The following TXNDC8 variants were observed in gnomAD, a reference collection of about 807,000 sequenced individuals.
TXNDC8 encodes thioredoxin domain containing 8, also known as thioredoxin domain-containing protein 8.
In TXNDC8, 15 loss-of-function variants were observed where a neutral mutation model predicts 12.9. The ratio of observed to expected loss-of-function variants is 1.16; its 90% CI spans 0.78 to 1.79. The LOEUF is 1.79. Ranked by LOEUF, TXNDC8 falls within the 40% of genes most tolerant of loss-of-function variation. The pLI is 0.00. For synonymous variants in TXNDC8, 40 were observed against 35.4 expected (o/e 1.13, Z -0.46); for missense variants, 128 against 113.2 (o/e 1.13, Z -0.59).
At position 110,326,182 on chromosome 9, in the gene TXNDC8, CT is replaced by C; in HGVS notation, c.187del (p.Ser63AlafsTer4). The C allele has an allele frequency of 2.5e-6, 4 of 1,614,030 alleles. No homozygotes were observed. The highest frequency in any genetic ancestry group is 3.4e-6 in the Non-Finnish European group (4 of 1,179,934). ...GTTACCCTGGAAACATACCTTCTGG[CT>C]TTTCTTGAACATCTGAAATGTGGGT... On this transcript the variant is annotated frameshift_variant, in exon 3 of 5. Transcript: ENST00000423740. LOFTEE classifies it high-confidence loss of function.
chr9:110,335,551 G>A (rs892570387), intron 1 of TXNDC8, among the ~76,000 whole-genome samples: 2 of 152,184 alleles, frequency 1.3e-5, no homozygotes, highest in Non-Finnish European at 2.9e-5. Context: ...ACTACAACGT[G>A]TGTACTATTA....
intron 3 of TXNDC8, chr9:110,322,370 C>T (rs866907914): frequency 1.0e-5 from 10 of 985,078 alleles, no homozygotes; most frequent in South Asian, 4.7e-5. Flanking sequence ...CTAATAGCTG[C>T]CTGGCAGAAA....
At chr9:110,326,352 G>A in intron 2 of TXNDC8, 112 bp from the exon 4 acceptor site, 1 of 982,890 alleles carries the variant, frequency 1.0e-6, no homozygotes, top group Non-Finnish European at 1.6e-6. Context: ...AAGGACACCT[G>A]ACACTTTACA....
At chr9:110,325,720 T>C (rs925371397) in intron 3 of TXNDC8, among the ~76,000 whole-genome samples, 7 of 152,068 alleles carry the variant, frequency 4.6e-5, no homozygotes, top group African/African-American at 1.2e-4. Flanking sequence ...GGGGTTTCAC[T>C]GTGTTAGCCA....
At chr9:110,311,521 GTATATATATATA>G (rs66474968) in intron 3 of TXNDC8, among the ~76,000 whole-genome samples, 474 of 41,248 alleles carry the variant, frequency 0.011, 19 homozygotes, top group South Asian at 0.032. Flanking sequence ...AAATAAAGAG[GTATATATATATA>G]TATATATATA....
At chr9:110,323,705 G>A (rs541776211) in intron 3 of TXNDC8, 238 of 781,926 alleles carry the variant, frequency 3.0e-4, no homozygotes, top group South Asian at 3.0e-3. Context: ...GTAGGCTTCA[G>A]GCATGGATAG....
chr9:110,301,380 G>A (rs1838268148), downstream of TXNDC8, among the ~76,000 whole-genome samples: 1 of 152,192 alleles, frequency 6.6e-6, no homozygotes, highest in South Asian at 2.1e-4. Context: ...AAATATATAT[G>A]TGAGCATGGC....
intron 3 of TXNDC8, 42 bp downstream of exon 4, chr9:110,326,133 C>G: frequency 1.9e-6 from 3 of 1,609,244 alleles, no homozygotes; most frequent in Non-Finnish European, 2.6e-6. Flanking sequence ...TCTGATGGTT[C>G]TATAATCTAA....
intron 2 of TXNDC8, among the ~76,000 whole-genome samples, chr9:110,332,906 G>C (rs1215155125): frequency 1.3e-5 from 2 of 152,302 alleles, no homozygotes; most frequent in East Asian, 3.9e-4. Flanking sequence ...GAACATGCAA[G>C]GCGTATTATT....
At chr9:110,322,984 G>T (rs971048924) in intron 3 of TXNDC8, 1 of 985,414 alleles carries the variant, frequency 1.0e-6, no homozygotes, top group Non-Finnish European at 1.2e-6. Flanking sequence ...GAAAGGCTTG[G>T]AGCAGTAGAT....
rs1159085705 is a variant in TXNDC8 at position 110,334,208 on chromosome 9, G to A, written c.129+8C>T. 1 of 1,599,392 alleles carries A rather than the reference G, an allele frequency of 6.3e-7. No individual in the cohort carries two copies. Among genetic ancestry groups the A allele is most frequent in the Admixed American group, 1.7e-5 (1 of 59,850 alleles). On this transcript the variant is annotated splice_region_variant and intron_variant, in intron 2 of 4. Coordinates refer to ENST00000423740, the MANE Select transcript of TXNDC8 (RefSeq NM_001286946.2). ...TGAAACTATGAGATATATACTGGTTGTACTCACATGGAAAACAGGAAACAT... is the reference window on the plus strand; with the variant it reads ...TGAAACTATGAGATATATACTGGTTATACTCACATGGAAAACAGGAAACAT...
chr9:110,335,393 C>T (rs962673823), intron 1 of TXNDC8, among the ~76,000 whole-genome samples: 3 of 152,076 alleles, frequency 2.0e-5, no homozygotes, highest in Non-Finnish European at 2.9e-5. Context: ...TGAGCCACCC[C>T]GCCCAGCCTG....
In TXNDC8 at chr9:110,329,368, A is replaced by T; in HGVS notation, c.130-3128T>A. 4 of 1,162,824 alleles carry T rather than the reference A, an allele frequency of 3.4e-6. No homozygotes were observed. In the South Asian group the frequency reaches 5.4e-5, roughly 16 times the overall value. The allele number at this position is 1,162,824 out of a possible 1,614,324, so 72.0% of individuals were successfully genotyped here. ...TACACACTGGAAGTGTCTTTTCAGT[A>T]GAAAAGAAAATTGAACAGAAAGGCT... On this transcript the variant is annotated intron_variant, in intron 2 of 4. Transcript: ENST00000423740.
intron 3 of TXNDC8, among the ~76,000 whole-genome samples, chr9:110,312,534 C>G (rs1439183418): frequency 6.6e-6 from 1 of 152,194 alleles, no homozygotes; most frequent in Non-Finnish European, 1.5e-5. Context: ...TATCATGGAA[C>G]CTCAAGAGGA....
chr9:110,333,079 GA>G (rs766681306), intron 2 of TXNDC8, among the ~76,000 whole-genome samples: 6 of 152,164 alleles, frequency 3.9e-5, no homozygotes, highest in Non-Finnish European at 8.8e-5. Flanking sequence ...AGGGAACAGG[GA>G]AGGAGTAAAT....
At chr9:110,322,655 G>A in intron 3 of TXNDC8, 1 of 985,420 alleles carries the variant, frequency 1.0e-6, no homozygotes, top group South Asian at 4.7e-5. Flanking sequence ...AAACTGTTGA[G>A]TGGCAGCAGC....
intron 3 of TXNDC8, among the ~76,000 whole-genome samples, chr9:110,317,523 C>T (rs1025092534): frequency 1.3e-5 from 2 of 152,186 alleles, no homozygotes; most frequent in Non-Finnish European, 2.9e-5. Flanking sequence ...TAAACCTGCC[C>T]AGATAGATCT....
intron 3 of TXNDC8, among the ~76,000 whole-genome samples, chr9:110,310,217 GTGTGTGTGCA>G (rs1838613809): frequency 6.6e-6 from 1 of 152,148 alleles, no homozygotes; most frequent in South Asian, 2.1e-4. Context: ...GTGTGTGTGT[GTGTGTGTGCA>G]TGTGTATATT....
downstream of TXNDC8, among the ~76,000 whole-genome samples, chr9:110,302,556 G>A: frequency 6.6e-6 from 1 of 151,940 alleles, no homozygotes; most frequent in Non-Finnish European, 1.5e-5. Flanking sequence ...TTTATCTGGT[G>A]CAGCCTCAGC....
Sources: allele counts gnomAD v4.1 joint callset (sites outside exome capture counted in the v4.1 genomes callset), GRCh38; gene constraint gnomAD v4.1.1; transcripts MANE v1.5; gene names NCBI Gene and HGNC (gene_info 2026-07-23, HGNC 2026-07-21).